Variants in OLFM3 observed in about 807,000 individuals in gnomAD.
The protein encoded by OLFM3 is olfactomedin 3.
Under a neutral mutation model 48.6 loss-of-function variants are expected in OLFM3, and 20 were observed. That is an observed-to-expected ratio of 0.41 (90% CI 0.29 to 0.60). OLFM3 has a LOEUF of 0.60. Among genes scored for constraint, OLFM3 ranks in the 20% least tolerant of loss-of-function variants. OLFM3 has a pLI of 0.28. For synonymous variants in OLFM3, 222 were observed against 198.1 expected (o/e 1.12, Z -1.01); for missense variants, 437 against 544.3 (o/e 0.80, Z 1.96).
intron 1 of OLFM3, chr1:101,859,762 A>C (rs1209224180): frequency 6.6e-6 from 1 of 152,102 alleles, no homozygotes; most frequent in African/African-American, 2.4e-5. Flanking sequence ...AGAATTGTCT[A>C]GGCCAGTGCT....
intron 1 of OLFM3, among the ~76,000 whole-genome samples, chr1:101,964,804 C>T (rs1436872925): frequency 1.3e-5 from 2 of 152,088 alleles, no homozygotes; most frequent in East Asian, 3.8e-4. Flanking sequence ...AGGAGAAATC[C>T]ATTTTTATTT....
At chr1:101,946,956 T>C (rs1659982510) in intron 1 of OLFM3, among the ~76,000 whole-genome samples, 1 of 152,146 alleles carries the variant, frequency 6.6e-6, no homozygotes, top group South Asian at 2.1e-4. Context: ...AAAATGCCTT[T>C]TGGAAGATAA....
intron 1 of OLFM3, among the ~76,000 whole-genome samples, chr1:101,925,481 G>A (rs899769706): frequency 1.6e-4 from 24 of 151,792 alleles, no homozygotes; most frequent in African/African-American, 5.3e-4. Flanking sequence ...ATGTGAGTGT[G>A]TGTGTGTGTG....
chr1:101,842,474 G>C (rs1655773841), intron 1 of OLFM3, among the ~76,000 whole-genome samples: 2 of 152,138 alleles, frequency 1.3e-5, no homozygotes, highest in Non-Finnish European at 2.9e-5. Context: ...TTGAGCCTGG[G>C]AAGTCGAGGC....
chr1:101,955,333 T>A (rs12084992), intron 1 of OLFM3, among the ~76,000 whole-genome samples: 6,253 of 152,100 alleles, frequency 0.041, 431 homozygotes, highest in African/African-American at 0.14. Context: ...GGGCTATTCT[T>A]ACTCAAATTA....
At chr1:101,963,994 G>A (rs1368740027) in intron 1 of OLFM3, among the ~76,000 whole-genome samples, 1 of 152,142 alleles carries the variant, frequency 6.6e-6, no homozygotes, top group African/African-American at 2.4e-5. Context: ...AGTGCCTGGG[G>A]CATATGGATA....
rs1245650928 is a variant in OLFM3 at position 101,804,404 on chromosome 1, G to A, written c.1211C>T (p.Thr404Ile). 6.2e-7 allele frequency: 1 copy of A among 1,612,566 alleles called. No homozygotes were observed. Among genetic ancestry groups the A allele is most frequent in the Non-Finnish European group, 8.5e-7 (1 of 1,178,998 alleles). ...AKVYYSYSTK[T>I]STYEYTDIPF... Reference sequence around the variant, plus strand: ...AATGTCTGTGTACTCATATGTGGAGGTTTTGGTGGAATAGGAATAATACAC... The same window carrying A: ...AATGTCTGTGTACTCATATGTGGAGATTTTGGTGGAATAGGAATAATACAC... Residue 404 changes from threonine to isoleucine, a missense_variant, in exon 6 of 6, where the codon ACC becomes ATC. Thr to Ile is a moderately conservative substitution (Grantham distance 89). Around this residue, in one of 3 missense-constraint regions of OLFM3, gnomAD observed 108 missense variants for 135.8 expected, o/e 0.80. Coordinates refer to ENST00000370103, the MANE Select transcript of OLFM3 (RefSeq NM_058170.4). The surrounding 1 kb of genome is among the most constrained non-coding windows in gnomAD (Gnocchi z 4.5).
intron 4 of OLFM3, among the ~76,000 whole-genome samples, chr1:101,822,606 AT>A (rs1375132555): frequency 2.0e-5 from 3 of 152,170 alleles, no homozygotes; most frequent in Non-Finnish European, 2.9e-5. Context: ...TTAACCAGAT[AT>A]TTTATGAGCT....
intron 1 of OLFM3, among the ~76,000 whole-genome samples, chr1:101,972,836 A>C (rs2339202): frequency 0.25 from 37,733 of 152,142 alleles, 5,248 homozygotes; most frequent in Middle Eastern, 0.36. Flanking sequence ...CGGAATATTG[A>C]ATATAGACTG....
chr1:101,842,461 G>A (rs1465159623), intron 1 of OLFM3, among the ~76,000 whole-genome samples: 1 of 152,104 alleles, frequency 6.6e-6, no homozygotes, highest in African/African-American at 2.4e-5. Context: ...GTGGGAAGAT[G>A]GCTTGAGCCT....
At chr1:101,944,809 G>C (rs1195930071) in intron 1 of OLFM3, among the ~76,000 whole-genome samples, 1 of 151,672 alleles carries the variant, frequency 6.6e-6, no homozygotes, top group East Asian at 1.9e-4. Flanking sequence ...GAACCCAGAA[G>C]CCAGAGGTTG....
At chr1:101,892,268 G>A (rs1658028734) in intron 1 of OLFM3, among the ~76,000 whole-genome samples, 1 of 151,910 alleles carries the variant, frequency 6.6e-6, no homozygotes, top group Admixed American at 6.6e-5. Context: ...AGCAGCCTGG[G>A]GAGATAATAA....
At chr1:101,813,106 C>T in intron 4 of OLFM3, 1 of 1,290,576 alleles carries the variant, frequency 7.7e-7, no homozygotes, top group Non-Finnish European at 1.0e-6. Flanking sequence ...CTTCTCCTTT[C>T]TGTTGCCTTT....
At chr1:101,838,259 A>G (rs1655534240) in intron 1 of OLFM3, among the ~76,000 whole-genome samples, 1 of 152,128 alleles carries the variant, frequency 6.6e-6, no homozygotes. Flanking sequence ...GGGTTTCACT[A>G]TGTTGGCCAG....
rs181275105 is a variant in OLFM3, at chr1:101,808,448, A to C, written c.593-2266T>G. ...GGGAGATGATCTGCCTTGAAGAGAA[A>C]AAAGAAAGGAGTCAGAAACATAAGT... On this transcript the variant is annotated intron_variant, in intron 4 of 5. Transcript: ENST00000370103. Among the ~76,000 whole-genome samples, 67 of 151,950 alleles carry C rather than the reference A, an allele frequency of 4.4e-4. 1 individual carries two copies. In the East Asian group the frequency reaches 0.01, roughly 23 times the overall value.
At chr1:101,880,553 T>C (rs1657482865) in intron 1 of OLFM3, among the ~76,000 whole-genome samples, 2 of 151,752 alleles carry the variant, frequency 1.3e-5, no homozygotes, top group South Asian at 2.1e-4. Context: ...GAAGCCGTGG[T>C]TGGGGCATTT....
intron 1 of OLFM3, among the ~76,000 whole-genome samples, chr1:101,925,636 A>T (rs896544415): frequency 5.9e-5 from 9 of 152,066 alleles, no homozygotes; most frequent in Admixed American, 5.2e-4. Flanking sequence ...CTCCTGCTTC[A>T]GCCTCTTGAG....
chr1:101,818,763 C>T (rs12116750), intron 4 of OLFM3, among the ~76,000 whole-genome samples: 8,461 of 152,164 alleles, frequency 0.056, 401 homozygotes, highest in Admixed American at 0.15. Context: ...TATTTTCCTT[C>T]CCCCCAAAAG....
rs2101058275 is a variant in OLFM3, at chr1:101,940,324, A to G, written c.69+56424T>C. ...GTGCTATTCTCAGGATCCATGTGCT[A>G]TGGAAATGTTTTGGAACATTTTTTT... is the stretch of plus-strand genomic sequence containing the variant. On this transcript the variant is annotated intron_variant, in intron 1 of 5. Transcript: ENST00000370103. Among the ~76,000 whole-genome samples the G allele has an allele frequency of 2.0e-5, 3 of 149,424 alleles. 1 individual carries two copies. The Admixed American group carries it at 2.0e-4, about 10-fold the overall frequency.
Sources: gnomAD v4.1 joint callset for allele counts (sites outside exome capture counted in the v4.1 genomes callset) on GRCh38, gnomAD v4.1.1 for gene constraint, gnomAD v4.1.1 regional missense constraint, Gnocchi (gnomAD v3.1) non-coding constraint, MANE v1.5 for transcripts, NCBI Gene and HGNC (gene_info 2026-07-23, HGNC 2026-07-21) for gene names.